The following MIF4GD variants were observed in gnomAD, a reference collection of about 807,000 sequenced individuals.
MIF4GD encodes MIF4G domain containing, also known as MIF4G domain-containing protein.
A neutral mutation model predicts 26.7 loss-of-function variants in MIF4GD; 22 were observed. The observed-to-expected ratio is 0.82, with a 90% confidence interval of 0.59 to 1.18. The LOEUF is 1.18. MIF4GD is among the 50% of genes most tolerant of loss of function. The probability of loss-of-function intolerance (pLI) is 0.00; values close to 1 mark genes in which losing one functional copy is unlikely to be tolerated. For synonymous variants in MIF4GD, 137 were observed against 111.6 expected (o/e 1.23, Z -1.43); for missense variants, 262 against 279.6 (o/e 0.94, Z 0.45).
rs1567822581 is a variant in MIF4GD at position 75,267,901 on chromosome 17, C to CCT, written c.193-2_193-1dup (p.Ala65ArgfsTer52). ...CTCTGGCCTGCTTGTTTACTCTCTG[C>CCT]CTGTGAGCCAGGGAGAGGAAGGTGA... On this transcript the variant is annotated frameshift_variant and splice_region_variant. Coordinates refer to ENST00000325102, the MANE Select transcript of MIF4GD (RefSeq NM_001370592.1). LOFTEE classifies it high-confidence loss of function. 6.2e-7 allele frequency: 1 copy of CCT among 1,610,932 alleles called. No homozygotes were observed.
In MIF4GD at chr17:75,271,221, G is replaced by T. The variant is rs2145713244; in HGVS notation, c.-128C>A. ...CGCGCAACCAGCGTCCGGCGCTGCGGGGCCCGCCGTGAGCTCATCTCCTCG... is the reference window on the plus strand; with the variant it reads ...CGCGCAACCAGCGTCCGGCGCTGCGTGGCCCGCCGTGAGCTCATCTCCTCG... On this transcript the variant is annotated 5_prime_UTR_variant, in exon 1 of 6. Coordinates refer to ENST00000325102, the MANE Select transcript of MIF4GD (RefSeq NM_001370592.1). The surrounding 1 kb of genome is among the most constrained non-coding windows in gnomAD (Gnocchi z 4.2). 6.7e-6 allele frequency: 1 copy of T among 150,156 alleles called. No individual in the cohort carries two copies. Among genetic ancestry groups the T allele is most frequent in the South Asian group, 2.1e-4 (1 of 4,826 alleles). 9.3% of individuals were successfully genotyped at this position (150,156 alleles called of 1,614,324 possible).
At chr17:75,267,231 G>A (rs2077523210) in intron 5 of MIF4GD, among the ~76,000 whole-genome samples, 1 of 151,830 alleles carries the variant, frequency 6.6e-6, no homozygotes, top group South Asian at 2.1e-4. Context: ...CACACTGCCT[G>A]ACCCTGGTTT....
At chr17:75,267,463 TG>T in intron 5 of MIF4GD, 74 bp downstream of exon 5, 2 of 1,444,060 alleles carry the variant, frequency 1.4e-6, no homozygotes, top group Non-Finnish European at 1.9e-6. Flanking sequence ...CCGTGAGCAG[TG>T]GGCTGACACA....
At position 75,267,829 on chromosome 17, in the gene MIF4GD, C is replaced by A; in HGVS notation, c.265G>T (p.Ala89Ser). The change falls in exon 4 of 6, where the codon GCT becomes TCT. Residue 89 changes from alanine (A) to serine (S), a missense_variant. By Grantham distance (99) the Ala-to-Ser change is moderately conservative (BLOSUM62 1). Transcript: ENST00000325102. The part of the protein sequence containing the change: ...LLNRLQQEYQ[A>S]REQLRARSLQ... ...GAGCGTGCTCGCAGCTGCTCCCGAG[C>A]CTGGTACTCCTGCTGCAGCCGGTTG... is the stretch of plus-strand genomic sequence containing the variant. 1.2e-6 allele frequency: 2 copies of A among 1,614,032 alleles called. No individual in the cohort carries two copies. The highest frequency in any genetic ancestry group is 1.3e-5 in the African/African-American group (1 of 75,060).
Position 75,267,915 on chromosome 17 carries a change from A to C in MIF4GD, c.193-14T>G, listed in dbSNP as rs1182757088. 6.2e-7 allele frequency: 1 copy of C among 1,608,748 alleles called. No individual in the cohort carries two copies. Among genetic ancestry groups the C allele is most frequent in the Non-Finnish European group, 8.5e-7 (1 of 1,177,536 alleles). On this transcript the variant is annotated splice_polypyrimidine_tract_variant and intron_variant, in intron 3 of 5. Transcript: ENST00000325102. Reference sequence around the variant, plus strand: ...TTTACTCTCTGCCTGTGAGCCAGGGAGAGGAAGGTGAAGGGTGGGGGGCGG... The same window carrying C: ...TTTACTCTCTGCCTGTGAGCCAGGGCGAGGAAGGTGAAGGGTGGGGGGCGG...
chr17:75,268,534 C>T (rs1430362704), intron 2 of MIF4GD, among the ~76,000 whole-genome samples: 3 of 151,504 alleles, frequency 2.0e-5, no homozygotes, highest in South Asian at 2.1e-4. Context: ...TGTGGTGGCT[C>T]GTGCGTCATC....
In MIF4GD at chr17:75,271,169, T is replaced by G. The variant is rs1006628961; in HGVS notation, c.-76A>C. 1 of 148,280 alleles carries G rather than the reference T, an allele frequency of 6.7e-6. No individual in the cohort carries two copies. Among genetic ancestry groups the G allele is most frequent in the Non-Finnish European group, 1.5e-5 (1 of 66,632 alleles). 9.2% of individuals were successfully genotyped at this position (148,280 alleles called of 1,614,324 possible). A position where few individuals can be genotyped will look rare whatever the true frequency, so the allele number is the denominator to read the frequency against. ...CTGCCGGGCCGGTGGCGCGCGCGCG[T>G]GCCCGGGGCCGCTCGGCGCCTGGGA... On this transcript the variant is annotated 5_prime_UTR_variant, in exon 1 of 6. Transcript: ENST00000325102. The surrounding 1 kb of genome is among the most constrained non-coding windows in gnomAD (Gnocchi z 4.2).
intron 2 of MIF4GD, among the ~76,000 whole-genome samples, chr17:75,269,038 C>T: frequency 6.6e-6 from 1 of 151,822 alleles, no homozygotes; most frequent in Non-Finnish European, 1.5e-5. Context: ...GTACAGAGGA[C>T]AGTAACCATA....
rs1192409186 is a variant in MIF4GD, at chr17:75,268,671, CAAAAAAAAAAA to C, written c.83-490_83-480del. 3.9e-3 allele frequency among the ~76,000 whole-genome samples: 185 copies of C among 47,844 alleles called. 1 individual carries two copies. The highest frequency in any genetic ancestry group is 4.2e-3 in the Non-Finnish European group (92 of 22,082). The allele number at this position is 47,844 out of a possible 152,430, so 31.4% of individuals were successfully genotyped here. On this transcript the variant is annotated intron_variant, in intron 2 of 5. Coordinates refer to ENST00000325102, the MANE Select transcript of MIF4GD (RefSeq NM_001370592.1). ...TGGGCGACAAAGCAAGACTCCGTCT[CAAAAAAAAAAA>C]AAAAAAGAAAAAAATAAAAGAAATC...
intron 2 of MIF4GD, among the ~76,000 whole-genome samples, chr17:75,268,671 CAAA>C (rs1192409186): frequency 6.3e-5 from 3 of 47,828 alleles, no homozygotes; most frequent in Non-Finnish European, 1.4e-4. Flanking sequence ...GACTCCGTCT[CAAA>C]AAAAAAAAAA....
chr17:75,266,385 C>G lies in MIF4GD; in HGVS notation c.*355G>C. The G allele has an allele frequency of 2.5e-6, 1 of 396,632 alleles. No homozygotes were observed. Among genetic ancestry groups the G allele is most frequent in the Non-Finnish European group, 4.7e-6 (1 of 211,144 alleles). 24.6% of individuals were successfully genotyped at this position (396,632 alleles called of 1,614,324 possible). On this transcript the variant is annotated 3_prime_UTR_variant, in exon 6 of 6. Coordinates refer to ENST00000325102, the MANE Select transcript of MIF4GD (RefSeq NM_001370592.1). Reference sequence around the variant, plus strand: ...AGCAGTTTCTGGTGTGACTTGTGCTCTGCCTCCACCCCTTGACATCCCAAA... The same window carrying G: ...AGCAGTTTCTGGTGTGACTTGTGCTGTGCCTCCACCCCTTGACATCCCAAA...
rs1447649872 is a variant in MIF4GD, at chr17:75,266,982, G to T, written c.442-15C>A. On this transcript the variant is annotated splice_polypyrimidine_tract_variant and intron_variant, in intron 5 of 5. Coordinates refer to ENST00000325102, the MANE Select transcript of MIF4GD (RefSeq NM_001370592.1). ...AAACAGTCCACCTGCAGGCGACAGTGTGGGTAACACAAGTGAACTGGGGCA... is the reference window on the plus strand; with the variant it reads ...AAACAGTCCACCTGCAGGCGACAGTTTGGGTAACACAAGTGAACTGGGGCA... 4 of 1,608,500 alleles carry T rather than the reference G, an allele frequency of 2.5e-6. No homozygotes were observed. The highest frequency in any genetic ancestry group is 3.4e-6 in the Non-Finnish European group (4 of 1,177,360).
At chr17:75,267,378 A>G in intron 5 of MIF4GD, 160 bp downstream of exon 5, 1 of 682,858 alleles carries the variant, frequency 1.5e-6, no homozygotes. Context: ...CAGACCTGGC[A>G]GCTTGTCCTA....
chr17:75,270,307 C>A lies in MIF4GD; in HGVS notation c.-50-62G>T. 3 of 963,246 alleles carry A rather than the reference C, an allele frequency of 3.1e-6. No homozygotes were observed. Among genetic ancestry groups the A allele is most frequent in the South Asian group, 1.3e-5 (1 of 75,182 alleles). 59.7% of individuals were successfully genotyped at this position (963,246 alleles called of 1,614,324 possible). On this transcript the variant is annotated intron_variant, in intron 1 of 5. Transcript: ENST00000325102. This position sits in a 1 kb window ranked among gnomAD's most constrained non-coding sequence, Gnocchi z 5.7. ...GGAGCGCAGGGCGGGTTCCGTCCTGCAGGCCCTGGACGGGGCTGACGGCGC... is the reference window on the plus strand; with the variant it reads ...GGAGCGCAGGGCGGGTTCCGTCCTGAAGGCCCTGGACGGGGCTGACGGCGC...
intron 2 of MIF4GD, chr17:75,269,213 C>T: frequency 1.1e-6 from 1 of 924,094 alleles, no homozygotes; most frequent in Non-Finnish European, 1.6e-6. Flanking sequence ...ATGCCTCCAA[C>T]AGCAATTTCA....
intron 2 of MIF4GD, among the ~76,000 whole-genome samples, chr17:75,268,607 G>A (rs2077591673): frequency 6.6e-6 from 1 of 151,178 alleles, no homozygotes; most frequent in Non-Finnish European, 1.5e-5. Context: ...GGGAGGCGGA[G>A]GTTGCAGTGA....
At chr17:75,267,652 A>C (rs766217718) in intron 4 of MIF4GD, 22 bp from the exon 5 acceptor site, 2 of 1,614,090 alleles carry the variant, frequency 1.2e-6, no homozygotes, top group South Asian at 1.1e-5. Context: ...AGGAGGGGTC[A>C]GAGCACCAGG....
Position 75,266,729 on chromosome 17 carries a change from G to C in MIF4GD, c.*11C>G. The stretch of plus-strand genomic sequence containing the variant: ...AGGCCAGTGCTGGTGAGGAAGCCCT[G>C]ATCTGGAGGCCTAGTCGGAGACTTC... On this transcript the variant is annotated 3_prime_UTR_variant, in exon 6 of 6. Coordinates refer to ENST00000325102, the MANE Select transcript of MIF4GD (RefSeq NM_001370592.1). The C allele has an allele frequency of 6.2e-7, 1 of 1,613,512 alleles. No homozygotes were observed. The highest frequency in any genetic ancestry group is 8.5e-7 in the Non-Finnish European group (1 of 1,179,398).
intron 2 of MIF4GD, among the ~76,000 whole-genome samples, chr17:75,268,685 A>AAT (rs2077597294): frequency 6.7e-6 from 1 of 148,832 alleles, no homozygotes; most frequent in African/African-American, 2.5e-5. Context: ...AAAAAAAAAA[A>AAT]AAAGAAAAAA....
Sources: gnomAD v4.1 joint callset for allele counts (sites outside exome capture counted in the v4.1 genomes callset) on GRCh38, gnomAD v4.1.1 for gene constraint, Gnocchi (gnomAD v3.1) non-coding constraint, MANE v1.5 for transcripts, NCBI Gene and HGNC (gene_info 2026-07-23, HGNC 2026-07-21) for gene names.